The following FHIP1A variants were observed in gnomAD, a reference collection of about 807,000 sequenced individuals.
The protein encoded by FHIP1A is FHF complex subunit HOOK interacting protein 1A.
FHIP1A carries 61 observed loss-of-function variants against 88.6 expected under a neutral mutation model. The observed-to-expected ratio is 0.69, with a 90% confidence interval of 0.56 to 0.85. The LOEUF (loss-of-function observed/expected upper bound fraction) is 0.85, where lower values mean the gene tolerates loss of function less well. Ranked by LOEUF, FHIP1A falls within the 40% of genes least tolerant of loss-of-function variation. FHIP1A has a pLI of 0.00. For missense variants in FHIP1A, 1,154 were observed against 1,273.5 expected, an observed-to-expected ratio of 0.91 and a Z score of 1.43; for synonymous variants, 478 against 496.0, an observed-to-expected ratio of 0.96 and a Z score of 0.48.
intron 1 of FHIP1A, among the ~76,000 whole-genome samples, chr4:151,452,975 C>A (rs1728845171): frequency 6.6e-6 from 1 of 150,656 alleles, no homozygotes; most frequent in South Asian, 2.1e-4. Context: ...CACACACACA[C>A]AAACATACAT....
intron 2 of FHIP1A, among the ~76,000 whole-genome samples, chr4:151,460,048 T>C (rs908458222): frequency 6.6e-6 from 1 of 152,186 alleles, no homozygotes; most frequent in Admixed American, 6.5e-5. Context: ...TCTCCCAATA[T>C]AGGAAAACAT....
At chr4:151,504,505 C>G (rs1373270665) in intron 3 of FHIP1A, among the ~76,000 whole-genome samples, 2 of 152,108 alleles carry the variant, frequency 1.3e-5, no homozygotes, top group African/African-American at 4.8e-5. Flanking sequence ...AGAAACCCAA[C>G]TCAAACCTGT....
At position 151,650,559 on chromosome 4, in the gene FHIP1A, C is replaced by A; in HGVS notation, c.2518C>A (p.His840Asn). Reference sequence around the variant, plus strand: ...AGATGAGGCTGCCTTTGCCAGTCGCCATCCCGTGAGGACTCAAAGCACCCC... The same window carrying A: ...AGATGAGGCTGCCTTTGCCAGTCGCAATCCCGTGAGGACTCAAAGCACCCC... ...GRDEAAFASR[H>N]PVRTQSTPFT... is the part of the protein sequence containing the mutation. The change falls in exon 11 of 14, where the codon CAT becomes AAT. Residue 840 changes from histidine to asparagine, a missense_variant. Transcript: ENST00000435205. 1 of 1,551,218 alleles carries A rather than the reference C, an allele frequency of 6.4e-7. No homozygotes were observed. The highest frequency in any genetic ancestry group is 8.7e-7 in the Non-Finnish European group (1 of 1,146,930).
chr4:151,634,006 C>T (rs1036918820), intron 8 of FHIP1A, among the ~76,000 whole-genome samples: 2 of 151,824 alleles, frequency 1.3e-5, no homozygotes, highest in African/African-American at 4.8e-5. Context: ...TTGTAGACAA[C>T]ATAATCATAT....
intron 1 of FHIP1A, among the ~76,000 whole-genome samples, chr4:151,442,291 C>T (rs1008881062): frequency 6.6e-6 from 1 of 151,804 alleles, no homozygotes; most frequent in Non-Finnish European, 1.5e-5. Flanking sequence ...CTGTTTTAGT[C>T]AGAGTTTGTT....
At chr4:151,605,506 A>T (rs1337789423) in intron 7 of FHIP1A, among the ~76,000 whole-genome samples, 1 of 152,342 alleles carries the variant, frequency 6.6e-6, no homozygotes, top group East Asian at 1.9e-4. Context: ...TCAACAAATT[A>T]TTCCATTCAA....
intron 7 of FHIP1A, among the ~76,000 whole-genome samples, chr4:151,624,496 A>G (rs1735869165): frequency 6.6e-6 from 1 of 152,128 alleles, no homozygotes; most frequent in Admixed American, 6.5e-5. Context: ...CTGAAAAGCC[A>G]TTTGTTCACT....
intron 3 of FHIP1A, among the ~76,000 whole-genome samples, chr4:151,519,820 T>C (rs1434180236): frequency 6.6e-6 from 1 of 152,154 alleles, no homozygotes; most frequent in Non-Finnish European, 1.5e-5. Context: ...GTTGTCAGTT[T>C]TTAAACTTTG....
At chr4:151,614,104 C>T (rs1052478570) in intron 7 of FHIP1A, among the ~76,000 whole-genome samples, 3 of 150,116 alleles carry the variant, frequency 2.0e-5, no homozygotes, top group Non-Finnish European at 4.4e-5. Flanking sequence ...TGGAGGTTGC[C>T]GTGAGCTGAG....
intron 1 of FHIP1A, among the ~76,000 whole-genome samples, chr4:151,422,392 A>AT (rs34290106): frequency 0.35 from 52,956 of 150,888 alleles, 9,876 homozygotes; most frequent in Non-Finnish European, 0.43. Flanking sequence ...ATATATATGC[A>AT]TTTTTTTAAT....
chr4:151,498,851 C>T (rs538882168), intron 3 of FHIP1A, among the ~76,000 whole-genome samples: 59 of 152,202 alleles, frequency 3.9e-4, no homozygotes, highest in African/African-American at 1.4e-3. Context: ...ATGGTTGATT[C>T]TCTGTCTAGG....
intron 8 of FHIP1A, among the ~76,000 whole-genome samples, chr4:151,630,451 A>G (rs1736114213): frequency 2.0e-5 from 3 of 152,206 alleles, no homozygotes; most frequent in Admixed American, 2.0e-4. Flanking sequence ...ACATATATAG[A>G]GATAATATAT....
At position 151,560,568 on chromosome 4, in the gene FHIP1A, G is replaced by A. The variant is rs558284410; in HGVS notation, c.-122-5570G>A. ...ATCATTTTTTTCTGCGTTTACCTTA[G>A]TCAACTTTTAGGGTTTTGTGGCAAG... On this transcript the variant is annotated intron_variant, in intron 3 of 13. Transcript: ENST00000435205. 7.2e-5 allele frequency among the ~76,000 whole-genome samples: 11 copies of A among 152,124 alleles called. No individual in the cohort carries two copies. In the South Asian group the frequency reaches 2.1e-3, roughly 29 times the overall value.
At chr4:151,600,766 G>T (rs957416274) in intron 7 of FHIP1A, among the ~76,000 whole-genome samples, 3 of 152,064 alleles carry the variant, frequency 2.0e-5, no homozygotes, top group Admixed American at 6.6e-5. Flanking sequence ...GGCTGCTTGG[G>T]CATCTTCACA....
At chr4:151,500,950 C>A (rs1483782551) in intron 3 of FHIP1A, among the ~76,000 whole-genome samples, 1 of 152,148 alleles carries the variant, frequency 6.6e-6, no homozygotes, top group Non-Finnish European at 1.5e-5. Flanking sequence ...CTGAAAAGTA[C>A]TGCTGTGTTG....
intron 1 of FHIP1A, among the ~76,000 whole-genome samples, chr4:151,418,657 A>G (rs552143390): frequency 6.6e-6 from 1 of 152,206 alleles, no homozygotes; most frequent in Non-Finnish European, 1.5e-5. Flanking sequence ...GGGTATACAG[A>G]TAATTCCTAA....
At chr4:151,524,299 C>T (rs1731552531) in intron 3 of FHIP1A, among the ~76,000 whole-genome samples, 3 of 107,580 alleles carry the variant, frequency 2.8e-5, no homozygotes, top group African/African-American at 1.1e-4. Flanking sequence ...GAGAATCTGT[C>T]TCAAAAAAAA....
chr4:151,581,832 C>T (rs538013005), intron 5 of FHIP1A, among the ~76,000 whole-genome samples: 1 of 152,318 alleles, frequency 6.6e-6, no homozygotes, highest in East Asian at 1.9e-4. Context: ...ACAGTAATGA[C>T]TCTTTCAGGA....
intron 3 of FHIP1A, among the ~76,000 whole-genome samples, chr4:151,515,823 T>G (rs1411153536): frequency 6.6e-6 from 1 of 152,120 alleles, no homozygotes; most frequent in Non-Finnish European, 1.5e-5. Flanking sequence ...TGGAAGAACA[T>G]TCCATACTCA....
Sources: allele counts gnomAD v4.1 joint callset (sites outside exome capture counted in the v4.1 genomes callset), GRCh38; gene constraint gnomAD v4.1.1; transcripts MANE v1.5; gene names NCBI Gene and HGNC (gene_info 2026-07-23, HGNC 2026-07-21).